SLIT3: variants seen among roughly 807,000 people sequenced by gnomAD.
SLIT3 encodes the protein slit homolog 3 protein.
Under a neutral mutation model 184.0 loss-of-function variants are expected in SLIT3, and 68 were observed. That is an observed-to-expected ratio of 0.37 (90% confidence interval 0.30 to 0.45). SLIT3 has a LOEUF of 0.45. Ranked by LOEUF, SLIT3 falls within the 20% of genes least tolerant of loss-of-function variation. SLIT3 has a pLI of 1.00. For missense variants in SLIT3, 1,707 were observed against 2,026.0 expected, an observed-to-expected ratio of 0.84 and a Z score of 3.02; for synonymous variants, 831 against 828.6, an observed-to-expected ratio of 1.00 and a Z score of -0.05.
At chr5:168,741,223 C>G (rs1374389902) in intron 20 of SLIT3, among the ~76,000 whole-genome samples, 4 of 152,162 alleles carry the variant, frequency 2.6e-5, no homozygotes, top group Non-Finnish European at 5.9e-5. Flanking sequence ...GTAATCCCAG[C>G]ACTTTGGGAG....
Position 169,078,412 on chromosome 5 carries a change from G to A in SLIT3, c.413+115067C>T, listed in dbSNP as rs565605730. 3.3e-5 allele frequency among the ~76,000 whole-genome samples: 5 copies of A among 152,128 alleles called. No homozygotes were observed. In the East Asian group the frequency reaches 9.7e-4, roughly 29 times the overall value. ...TCCTTGGATACCCACCACCGATAAA[G>A]TGAAGATTTGTATTCCCATCTTACT... On this transcript the variant is annotated intron_variant, in intron 4 of 35. Coordinates refer to ENST00000519560, the MANE Select transcript of SLIT3 (RefSeq NM_003062.4).
At chr5:168,886,907 G>A (rs1760239232) in intron 4 of SLIT3, among the ~76,000 whole-genome samples, 1 of 152,144 alleles carries the variant, frequency 6.6e-6, no homozygotes, top group Non-Finnish European at 1.5e-5. Flanking sequence ...ACTTATTAAG[G>A]AGACAGTAAG....
chr5:168,976,310 A>G (rs1024752408), intron 4 of SLIT3, among the ~76,000 whole-genome samples: 5 of 152,134 alleles, frequency 3.3e-5, no homozygotes, highest in South Asian at 4.1e-4. Flanking sequence ...ATCGTTCTCA[A>G]TGTGGCTGCA....
intron 1 of SLIT3, among the ~76,000 whole-genome samples, chr5:169,269,555 C>G (rs1008426313): frequency 6.6e-5 from 10 of 152,258 alleles, no homozygotes; most frequent in African/African-American, 2.4e-4. Context: ...AAATGAACTG[C>G]AGCTGTCAGG....
intron 4 of SLIT3, among the ~76,000 whole-genome samples, chr5:169,056,103 C>T (rs750406171): frequency 6.6e-6 from 1 of 152,042 alleles, no homozygotes; most frequent in Non-Finnish European, 1.5e-5. Context: ...AGTCCAGGAA[C>T]AAGATGAAGG....
chr5:168,985,419 C>T (rs780756773), intron 4 of SLIT3, among the ~76,000 whole-genome samples: 9 of 152,230 alleles, frequency 5.9e-5, no homozygotes, highest in East Asian at 5.8e-4. Flanking sequence ...GCTTTGCTTC[C>T]GGCAAGGGGA....
chr5:169,162,301 C>T (rs903991696), intron 4 of SLIT3, among the ~76,000 whole-genome samples: 2 of 152,142 alleles, frequency 1.3e-5, no homozygotes, highest in African/African-American at 2.4e-5. Flanking sequence ...GTAGGTTCAG[C>T]GATTTGTTTT....
At chr5:168,759,401 A>T (rs1401366749) in intron 16 of SLIT3, among the ~76,000 whole-genome samples, 2 of 152,202 alleles carry the variant, frequency 1.3e-5, no homozygotes, top group Non-Finnish European at 2.9e-5. Context: ...CAGCACTATA[A>T]CTCAAGCCTG....
chr5:169,125,786 A>G (rs1268342610), intron 4 of SLIT3, among the ~76,000 whole-genome samples: 1 of 152,218 alleles, frequency 6.6e-6, no homozygotes. Context: ...AATTCCTGCC[A>G]ACGAACGCAT....
chr5:169,211,226 C>T (rs1764255444), intron 3 of SLIT3, among the ~76,000 whole-genome samples: 1 of 151,684 alleles, frequency 6.6e-6, no homozygotes, highest in Non-Finnish European at 1.5e-5. Context: ...CGCTGAGATT[C>T]TGAGGTTGTC....
intron 4 of SLIT3, among the ~76,000 whole-genome samples, chr5:169,093,999 C>T (rs1437403764): frequency 6.6e-6 from 1 of 152,156 alleles, no homozygotes; most frequent in African/African-American, 2.4e-5. Flanking sequence ...TAAGCATTTC[C>T]TATCTGTGAA....
intron 4 of SLIT3, among the ~76,000 whole-genome samples, chr5:168,980,219 C>T (rs183099070): frequency 8.3e-4 from 126 of 152,248 alleles, no homozygotes; most frequent in African/African-American, 2.6e-3. Flanking sequence ...CCAGCCCCCA[C>T]GCCCTCTCCT....
At chr5:169,233,644 T>A (rs1423673329) in intron 3 of SLIT3, among the ~76,000 whole-genome samples, 1 of 152,230 alleles carries the variant, frequency 6.6e-6, no homozygotes, top group Non-Finnish European at 1.5e-5. Context: ...AACTTAAAAT[T>A]TAAAAAAGAA....
At chr5:169,041,390 G>A (rs995340455) in intron 4 of SLIT3, among the ~76,000 whole-genome samples, 15 of 152,130 alleles carry the variant, frequency 9.9e-5, no homozygotes, top group African/African-American at 2.7e-4. Context: ...GATGAGTGCC[G>A]GATGGAGCCG....
intron 4 of SLIT3, among the ~76,000 whole-genome samples, chr5:169,074,793 T>C (rs954539403): frequency 6.6e-6 from 1 of 152,210 alleles, no homozygotes; most frequent in Non-Finnish European, 1.5e-5. Flanking sequence ...CCTTGTTTCT[T>C]GGTCAGCCTT....
At chr5:168,905,869 A>G (rs1170309342) in intron 4 of SLIT3, among the ~76,000 whole-genome samples, 1 of 152,160 alleles carries the variant, frequency 6.6e-6, no homozygotes, top group Non-Finnish European at 1.5e-5. Context: ...AGACTTTTTG[A>G]CTTTGGAAAG....
intron 4 of SLIT3, among the ~76,000 whole-genome samples, chr5:169,006,179 C>T (rs905425774): frequency 5.9e-5 from 9 of 152,208 alleles, no homozygotes; most frequent in Non-Finnish European, 1.2e-4. Context: ...TAATTCAGGG[C>T]CTTGCAGCGT....
At chr5:169,218,794 G>A (rs571322252) in intron 3 of SLIT3, among the ~76,000 whole-genome samples, 1 of 152,226 alleles carries the variant, frequency 6.6e-6, no homozygotes, top group African/African-American at 2.4e-5. Flanking sequence ...TAAAAACTCA[G>A]TGTTCAAGGC....
intron 3 of SLIT3, among the ~76,000 whole-genome samples, chr5:169,242,197 C>G (rs1765426342): frequency 6.6e-6 from 1 of 152,192 alleles, no homozygotes; most frequent in South Asian, 2.1e-4. Context: ...GGATTAATGT[C>G]ACACACATCC....
Sources: allele counts gnomAD v4.1 joint callset (sites outside exome capture counted in the v4.1 genomes callset), GRCh38; gene constraint gnomAD v4.1.1; transcripts MANE v1.5; gene names NCBI Gene and HGNC (gene_info 2026-07-23, HGNC 2026-07-21).